LRRTM3: variants seen among roughly 807,000 people sequenced by gnomAD.
LRRTM3 encodes leucine rich repeat transmembrane neuronal 3, also known as leucine-rich repeat transmembrane neuronal protein 3.
Under a neutral mutation model 44.7 loss-of-function variants are expected in LRRTM3, and 24 were observed. That is an observed-to-expected ratio of 0.54 (90% CI 0.39 to 0.76). LRRTM3 has a LOEUF of 0.76. LRRTM3 is among the 30% of genes least tolerant of loss of function. The pLI is 0.00. For synonymous variants in LRRTM3, 277 were observed against 278.7 expected (o/e 0.99, Z 0.06); for missense variants, 587 against 702.2 (o/e 0.84, Z 1.85).
intron 2 of LRRTM3, among the ~76,000 whole-genome samples, chr10:66,989,750 T>C (rs963768427): frequency 5.3e-5 from 8 of 152,090 alleles, no homozygotes; most frequent in African/African-American, 1.7e-4. Flanking sequence ...CCTCAGAAAA[T>C]TCATTTTCAT....
At chr10:66,986,527 C>T (rs10997469) in intron 2 of LRRTM3, among the ~76,000 whole-genome samples, 35,357 of 151,866 alleles carry the variant, frequency 0.23, 5,201 homozygotes, top group East Asian at 0.39. Flanking sequence ...AATAAAGTAG[C>T]AAGACCTCTG....
At chr10:66,978,511 A>T (rs1382506897) in intron 2 of LRRTM3, among the ~76,000 whole-genome samples, 2 of 117,888 alleles carry the variant, frequency 1.7e-5, no homozygotes, top group African/African-American at 6.2e-5. Flanking sequence ...TGGATGATAG[A>T]GTGAGACTCC....
chr10:67,063,396 AG>A (rs1175787648), intron 2 of LRRTM3, among the ~76,000 whole-genome samples: 1 of 152,212 alleles, frequency 6.6e-6, no homozygotes, highest in Non-Finnish European at 1.5e-5. Context: ...GCCTTTAAAA[AG>A]TTAGGGGTCT....
At chr10:66,960,360 A>G (rs1421183013) in intron 2 of LRRTM3, among the ~76,000 whole-genome samples, 1 of 152,146 alleles carries the variant, frequency 6.6e-6, no homozygotes, top group Non-Finnish European at 1.5e-5. Flanking sequence ...GCTTGACTAC[A>G]CATCTAGCTG....
chr10:66,986,371 C>G (rs1225582613), intron 2 of LRRTM3, among the ~76,000 whole-genome samples: 2 of 152,072 alleles, frequency 1.3e-5, no homozygotes, highest in African/African-American at 4.8e-5. Context: ...GTGGCACATG[C>G]CTATAGTCCC....
chr10:67,006,831 T>A (rs950974118), intron 2 of LRRTM3, among the ~76,000 whole-genome samples: 1 of 152,060 alleles, frequency 6.6e-6, no homozygotes, highest in African/African-American at 2.4e-5. Flanking sequence ...TCTCACTCTG[T>A]TGCCCAGGCT....
At chr10:66,950,181 T>G (rs1346691119) in intron 2 of LRRTM3, among the ~76,000 whole-genome samples, 1 of 152,186 alleles carries the variant, frequency 6.6e-6, no homozygotes, top group Non-Finnish European at 1.5e-5. Context: ...CAAATTTAAC[T>G]CTTACATAAA....
Position 67,097,805 on chromosome 10 carries a change from A to G in LRRTM3, c.*9A>G. 6.2e-7 allele frequency: 1 copy of G among 1,610,716 alleles called. No individual in the cohort carries two copies. The highest frequency in any genetic ancestry group is 1.1e-5 in the South Asian group (1 of 91,026). On this transcript the variant is annotated 3_prime_UTR_variant, in exon 3 of 3. Transcript: ENST00000361320. ...AACAGCAGCTAGCTTAACTGAGATC[A>G]TTGGTAGCCAGGGGTTGCTACCAAA...
At chr10:67,019,757 A>G (rs1171917922) in intron 2 of LRRTM3, among the ~76,000 whole-genome samples, 1 of 152,212 alleles carries the variant, frequency 6.6e-6, no homozygotes, top group Admixed American at 6.5e-5. Context: ...GTCTCCATGA[A>G]TACCATCTAC....
At chr10:67,022,089 C>A (rs1589616434) in intron 2 of LRRTM3, among the ~76,000 whole-genome samples, 2 of 152,130 alleles carry the variant, frequency 1.3e-5, no homozygotes, top group Non-Finnish European at 2.9e-5. Context: ...GGAACTTGGA[C>A]CTTCCCTGAA....
At chr10:67,030,963 C>T (rs1311591550) in intron 2 of LRRTM3, among the ~76,000 whole-genome samples, 6 of 152,084 alleles carry the variant, frequency 3.9e-5, no homozygotes, top group African/African-American at 7.2e-5. Flanking sequence ...GAGATTGCAT[C>T]GCTGCACTCC....
chr10:67,058,743 T>C (rs141046506), intron 2 of LRRTM3, among the ~76,000 whole-genome samples: 6 of 152,316 alleles, frequency 3.9e-5, no homozygotes, highest in Non-Finnish European at 8.8e-5. Flanking sequence ...TTACCTGTTG[T>C]GTATCTAAGG....
At chr10:66,951,510 G>C (rs551384958) in intron 2 of LRRTM3, among the ~76,000 whole-genome samples, 23 of 152,132 alleles carry the variant, frequency 1.5e-4, no homozygotes, top group Non-Finnish European at 3.2e-4. Context: ...CTATGAGATA[G>C]GTACTGTTTA....
At chr10:67,023,702 T>A (rs1853172789) in intron 2 of LRRTM3, among the ~76,000 whole-genome samples, 1 of 152,186 alleles carries the variant, frequency 6.6e-6, no homozygotes, top group African/African-American at 2.4e-5. Flanking sequence ...ATTTCAGAAC[T>A]ACTAATCTTC....
At chr10:66,961,116 C>T (rs1204710083) in intron 2 of LRRTM3, among the ~76,000 whole-genome samples, 1 of 152,120 alleles carries the variant, frequency 6.6e-6, no homozygotes, top group Admixed American at 6.6e-5. Flanking sequence ...GGTCTTCTAG[C>T]AAGTCTAGAA....
At chr10:67,018,434 C>G (rs1852795812) in intron 2 of LRRTM3, among the ~76,000 whole-genome samples, 1 of 152,158 alleles carries the variant, frequency 6.6e-6, no homozygotes, top group Non-Finnish European at 1.5e-5. Flanking sequence ...TTGTATTTTG[C>G]ATTTCTAGTA....
chr10:67,101,190 A>G lies in LRRTM3; in HGVS notation c.*3394A>G, dbSNP rs1396387700. On this transcript the variant is annotated 3_prime_UTR_variant, in exon 3 of 3. Coordinates refer to ENST00000361320, the MANE Select transcript of LRRTM3 (RefSeq NM_178011.5). The stretch of plus-strand genomic sequence containing the variant: ...TGGATGCATGTAGGCCCCGAGGTAC[A>G]GACATAAAATCAAGGAAGCACAAGG... Among the ~76,000 whole-genome samples, 1 of 151,698 alleles carries G rather than the reference A, an allele frequency of 6.6e-6. No homozygotes were observed. Among genetic ancestry groups the G allele is most frequent in the Non-Finnish European group, 1.5e-5 (1 of 67,760 alleles).
At chr10:67,027,391 A>G (rs1853456085) in intron 2 of LRRTM3, among the ~76,000 whole-genome samples, 1 of 150,938 alleles carries the variant, frequency 6.6e-6, no homozygotes, top group African/African-American at 2.4e-5. Flanking sequence ...TTAAATACCT[A>G]TATTTCTGTC....
chr10:67,015,223 C>A (rs1301993063), intron 2 of LRRTM3: 1 of 151,954 alleles, frequency 6.6e-6, no homozygotes, highest in Admixed American at 6.6e-5. Flanking sequence ...TAGTTTATAC[C>A]ATTTATATGC....
Sources: gnomAD v4.1 joint callset for allele counts (sites outside exome capture counted in the v4.1 genomes callset) on GRCh38, gnomAD v4.1.1 for gene constraint, MANE v1.5 for transcripts, NCBI Gene and HGNC (gene_info 2026-07-23, HGNC 2026-07-21) for gene names.